KYAT1: variants seen among roughly 807,000 people sequenced by gnomAD.
KYAT1 encodes kynurenine--oxoglutarate transaminase 1.
In KYAT1, 47 loss-of-function variants were observed where a neutral mutation model predicts 52.4. The ratio of observed to expected loss-of-function variants is 0.90; its 90% confidence interval spans 0.71 to 1.14. The LOEUF (loss-of-function observed/expected upper bound fraction) is 1.14. Among genes scored for constraint, KYAT1 ranks in the 50% most tolerant of loss-of-function variants. The probability of loss-of-function intolerance (pLI) is 0.00; values close to 1 mark genes in which losing one functional copy is unlikely to be tolerated. For synonymous variants in KYAT1, 212 were observed against 209.6 expected (o/e 1.01, Z -0.10); for missense variants, 480 against 557.9 (o/e 0.86, Z 1.41).
chr9:128,845,691 C>T (rs940532424), intron 1 of KYAT1, among the ~76,000 whole-genome samples: 3 of 152,222 alleles, frequency 2.0e-5, no homozygotes, highest in Non-Finnish European at 4.4e-5. Flanking sequence ...CCAGCCCTGG[C>T]TCCATGCGTC....
At chr9:128,873,013 T>G (rs1588154969) in intron 1 of KYAT1, among the ~76,000 whole-genome samples, 1 of 149,202 alleles carries the variant, frequency 6.7e-6, no homozygotes, top group East Asian at 2.0e-4. Context: ...GAGGCAAAGA[T>G]TCTAGTGAGC....
chr9:128,846,436 AC>A (rs1833102216), intron 1 of KYAT1, among the ~76,000 whole-genome samples: 1 of 151,668 alleles, frequency 6.6e-6, no homozygotes, highest in African/African-American at 2.4e-5. Context: ...TCTGGGAAAA[AC>A]AAACAAAGAA....
chr9:128,858,018 A>G (rs1446697625), intron 1 of KYAT1, among the ~76,000 whole-genome samples: 3 of 152,206 alleles, frequency 2.0e-5, no homozygotes, highest in African/African-American at 2.4e-5. Flanking sequence ...CTTCAAGGAT[A>G]CCCATTAAGA....
At chr9:128,868,484 T>A (rs1836733474) in intron 1 of KYAT1, among the ~76,000 whole-genome samples, 1 of 152,170 alleles carries the variant, frequency 6.6e-6, no homozygotes. Context: ...CTCGACATCC[T>A]GAGCTCAGGT....
At chr9:128,844,833 C>T (rs1242032104) in intron 2 of KYAT1, among the ~76,000 whole-genome samples, 1 of 152,308 alleles carries the variant, frequency 6.6e-6, no homozygotes, top group East Asian at 1.9e-4. Context: ...CATTGCACTC[C>T]AGCCTGGGCG....
intron 1 of KYAT1, among the ~76,000 whole-genome samples, chr9:128,850,889 T>C (rs985633567): frequency 3.3e-5 from 5 of 152,232 alleles, no homozygotes; most frequent in African/African-American, 1.2e-4. Flanking sequence ...CTGAGATGTT[T>C]GGGTGGAGAG....
chr9:128,878,208 C>T (rs1166331336), intron 1 of KYAT1, among the ~76,000 whole-genome samples: 1 of 151,922 alleles, frequency 6.6e-6, no homozygotes, highest in Non-Finnish European at 1.5e-5. Flanking sequence ...AATCTCGGCT[C>T]ACTGCAACCT....
intron 1 of KYAT1, among the ~76,000 whole-genome samples, chr9:128,865,852 C>T (rs1317293128): frequency 1.3e-5 from 2 of 152,148 alleles, no homozygotes; most frequent in African/African-American, 4.8e-5. Context: ...AGCGAAGTCC[C>T]AGTCCTGACA....
chr9:128,842,854 ACTTCGGC>A, intron 2 of KYAT1, 53 bp from the exon 3 acceptor site: 1 of 1,565,028 alleles, frequency 6.4e-7, no homozygotes, highest in East Asian at 2.3e-5. Context: ...GGTGACCTGG[ACTTCGGC>A]CTGTTTAGAA....
At chr9:128,838,160 T>C in intron 4 of KYAT1, 23 bp from the exon 5 acceptor site, 8 of 1,614,142 alleles carry the variant, frequency 5.0e-6, no homozygotes, top group Non-Finnish European at 5.9e-6. Flanking sequence ...TCAAATCAGC[T>C]GGAGTCAGCA....
At chr9:128,838,191 C>A (rs1831482534) in intron 4 of KYAT1, 27 bp downstream of exon 4, 1 of 1,614,072 alleles carries the variant, frequency 6.2e-7, no homozygotes, top group African/African-American at 1.3e-5. Context: ...CTCTCAGTCC[C>A]ACTCAGCCCA....
chr9:128,868,319 C>T (rs1836702827), intron 1 of KYAT1, among the ~76,000 whole-genome samples: 1 of 151,950 alleles, frequency 6.6e-6, no homozygotes, highest in African/African-American at 2.4e-5. Context: ...ATCCACCCAC[C>T]TCGGCCTCCC....
Position 128,847,301 on chromosome 9 carries a change from C to T in KYAT1, c.-6-1890G>A. 8.1e-6 allele frequency: 5 copies of T among 613,544 alleles called. No individual in the cohort carries two copies. In the South Asian group the frequency reaches 1.0e-4, roughly 13 times the overall value. 38.0% of individuals were successfully genotyped at this position (613,544 alleles called of 1,614,324 possible). ...GAGAAGCAGGGGCAAGGGAGAAGCC[C>T]ACATACAGGCTGCAGTTAAAGAGGG... On this transcript the variant is annotated intron_variant, in intron 1 of 12. Transcript: ENST00000302586.
chr9:128,840,057 A>G (rs1831866936), intron 3 of KYAT1, among the ~76,000 whole-genome samples: 1 of 152,084 alleles, frequency 6.6e-6, no homozygotes, highest in Non-Finnish European at 1.5e-5. Flanking sequence ...TAGACAATAA[A>G]TTAATTAATT....
intron 1 of KYAT1, among the ~76,000 whole-genome samples, chr9:128,854,373 ATT>A (rs1481125624): frequency 1.3e-5 from 2 of 152,230 alleles, no homozygotes; most frequent in Non-Finnish European, 2.9e-5. Context: ...GGAAAAACTG[ATT>A]TGGTAAAAAG....
At chr9:128,847,645 T>TAACAACAACAAC (rs200864772) in intron 1 of KYAT1, 1 of 574,254 alleles carries the variant, frequency 1.7e-6, no homozygotes, top group East Asian at 2.9e-5. Flanking sequence ...CACACAGCTC[T>TAACAACAACAAC]AACAATAACA....
rs542736022 is a variant in KYAT1, at chr9:128,843,382, CT to C, written c.54-582del. 6.7e-3 allele frequency among the ~76,000 whole-genome samples: 933 copies of C among 139,668 alleles called. 11 individuals carry two copies. Among genetic ancestry groups the C allele is most frequent in the East Asian group, 0.043 (204 of 4,754 alleles). 91.6% of individuals were successfully genotyped at this position (139,668 alleles called of 152,430 possible). A position where few individuals can be genotyped will look rare whatever the true frequency, so the allele number is the denominator to read the frequency against. ...ACCATGACCCATAGGAAGAAATCAT[CT>C]TTTTTTTTTTTTTTTGACAGAGTTT... is the stretch of plus-strand genomic sequence containing the variant. On this transcript the variant is annotated intron_variant, in intron 2 of 12. Transcript: ENST00000302586.
intron 1 of KYAT1, among the ~76,000 whole-genome samples, chr9:128,873,673 G>C (rs1837559149): frequency 6.6e-6 from 1 of 151,944 alleles, no homozygotes; most frequent in African/African-American, 2.4e-5. Flanking sequence ...CCAGCTACTT[G>C]GGAGGCTGAG....
chr9:128,872,023 G>A (rs1468362807), intron 1 of KYAT1, among the ~76,000 whole-genome samples: 8 of 151,878 alleles, frequency 5.3e-5, no homozygotes, highest in East Asian at 3.9e-4. Context: ...CAGCTACTCC[G>A]GAGGCTGGGG....
Sources: gnomAD v4.1 joint callset for allele counts (sites outside exome capture counted in the v4.1 genomes callset) on GRCh38, gnomAD v4.1.1 for gene constraint, MANE v1.5 for transcripts, NCBI Gene and HGNC (gene_info 2026-07-23, HGNC 2026-07-21) for gene names.